The following KIAA1217 variants were observed in gnomAD, a reference collection of about 807,000 sequenced individuals.
KIAA1217 encodes the protein sickle tail protein homolog.
Under a neutral mutation model 163.9 loss-of-function variants are expected in KIAA1217, and 88 were observed. The ratio of observed to expected loss-of-function variants is 0.54; its 90% CI spans 0.45 to 0.64. The LOEUF (loss-of-function observed/expected upper bound fraction) is 0.64. KIAA1217 is among the 30% of genes least tolerant of loss of function. KIAA1217 has a pLI of 0.00. For missense variants in KIAA1217, 2,372 were observed against 2,475.0 expected, an observed-to-expected ratio of 0.96 and a Z score of 0.88; for synonymous variants, 903 against 923.1, an observed-to-expected ratio of 0.98 and a Z score of 0.39.
rs1366179297 is a variant in KIAA1217 at position 23,790,406 on chromosome 10, TACATATAC to T, written c.-321+95174_-321+95181del. ...ATATACATATGTATATATACATATA[TACATATAC>T]ATATATACATATATACATATACATA... On this transcript the variant is annotated intron_variant, in intron 1 of 18. Transcript: ENST00000376462. Among the ~76,000 whole-genome samples, 9 of 108,564 alleles carry T rather than the reference TACATATAC, an allele frequency of 8.3e-5. 1 individual carries two copies. Among genetic ancestry groups the T allele is most frequent in the East Asian group, 5.9e-4 (2 of 3,386 alleles). 71.2% of individuals were successfully genotyped at this position (108,564 alleles called of 152,430 possible). A position where few individuals can be genotyped will look rare whatever the true frequency, so the allele number is the denominator to read the frequency against.
intron 2 of KIAA1217, among the ~76,000 whole-genome samples, chr10:24,044,010 A>C (rs925511369): frequency 6.6e-6 from 1 of 152,174 alleles, no homozygotes; most frequent in Non-Finnish European, 1.5e-5. Context: ...GAGATAAATT[A>C]TAAAATAATG....
intron 1 of KIAA1217, among the ~76,000 whole-genome samples, chr10:23,961,471 G>T (rs1844818278): frequency 1.3e-5 from 2 of 152,180 alleles, no homozygotes; most frequent in South Asian, 4.1e-4. Flanking sequence ...TATAACTGTA[G>T]AAAAATTATT....
At chr10:23,873,533 A>T (rs1840556037) in intron 1 of KIAA1217, among the ~76,000 whole-genome samples, 1 of 152,050 alleles carries the variant, frequency 6.6e-6, no homozygotes, top group Non-Finnish European at 1.5e-5. Context: ...AGTTATAGTT[A>T]GGTAAACGGA....
At chr10:23,949,534 A>C (rs936803914) in intron 1 of KIAA1217, among the ~76,000 whole-genome samples, 17 of 152,164 alleles carry the variant, frequency 1.1e-4, no homozygotes, top group Non-Finnish European at 2.1e-4. Context: ...ACCCAGAAGA[A>C]ATTGCAGCCA....
chr10:24,073,640 T>C (rs1371942091), intron 2 of KIAA1217, among the ~76,000 whole-genome samples: 1 of 152,146 alleles, frequency 6.6e-6, no homozygotes, highest in African/African-American at 2.4e-5. Context: ...CAACTTATGA[T>C]ACAGGAATTG....
At chr10:23,706,764 C>T (rs537503381) in intron 1 of KIAA1217, among the ~76,000 whole-genome samples, 1 of 152,172 alleles carries the variant, frequency 6.6e-6, no homozygotes, top group African/African-American at 2.4e-5. Context: ...TGACTTTCTC[C>T]TTCTATTTTT....
chr10:24,106,570 G>T (rs1315038463), intron 2 of KIAA1217, among the ~76,000 whole-genome samples: 12 of 150,134 alleles, frequency 8.0e-5, no homozygotes, highest in Admixed American at 7.4e-4. Flanking sequence ...TTACATGACA[G>T]AAAAAAAAAC....
intron 3 of KIAA1217, among the ~76,000 whole-genome samples, chr10:24,412,597 C>T (rs2057889752): frequency 1.3e-5 from 2 of 152,200 alleles, no homozygotes; most frequent in Non-Finnish European, 2.9e-5. Context: ...CTCTTGGCTT[C>T]CTGGACATCT....
At chr10:24,229,931 G>A (rs556097835) in intron 2 of KIAA1217, among the ~76,000 whole-genome samples, 13 of 151,906 alleles carry the variant, frequency 8.6e-5, no homozygotes, top group South Asian at 6.2e-4. Context: ...ACAAATCACC[G>A]GTGAAGAACT....
intron 9 of KIAA1217, among the ~76,000 whole-genome samples, chr10:24,501,964 TG>T (rs1422618744): frequency 6.6e-6 from 1 of 151,956 alleles, no homozygotes; most frequent in African/African-American, 2.4e-5. Flanking sequence ...TTAGCCAGGA[TG>T]GTCTCGATCT....
intron 2 of KIAA1217, among the ~76,000 whole-genome samples, chr10:24,027,103 G>T (rs1345490243): frequency 1.3e-5 from 2 of 151,828 alleles, no homozygotes; most frequent in Non-Finnish European, 2.9e-5. Flanking sequence ...TAATTCTGTT[G>T]TTATCAGAGA....
intron 11 of KIAA1217, among the ~76,000 whole-genome samples, chr10:24,520,644 AAAAAAAAATATATAT>A (rs1398845411): frequency 1.1e-5 from 1 of 89,956 alleles, no homozygotes; most frequent in African/African-American, 5.6e-5. Flanking sequence ...AAAAAAAAAA[AAAAAAAAATATATAT>A]ATATATATAT....
chr10:24,223,296 C>T (rs1437287113), intron 2 of KIAA1217, among the ~76,000 whole-genome samples: 1 of 152,200 alleles, frequency 6.6e-6, no homozygotes. Flanking sequence ...CAAACCCCAA[C>T]CAGCATTGTA....
At chr10:24,246,346 G>T (rs1440893852) in intron 2 of KIAA1217, among the ~76,000 whole-genome samples, 2 of 152,158 alleles carry the variant, frequency 1.3e-5, no homozygotes, top group Admixed American at 1.3e-4. Context: ...TTGTGAACAG[G>T]ACTGCAGTGA....
chr10:23,853,699 A>T (rs1839485620), intron 1 of KIAA1217, among the ~76,000 whole-genome samples: 1 of 152,102 alleles, frequency 6.6e-6, no homozygotes, highest in South Asian at 2.1e-4. Flanking sequence ...AGAGCCTGTT[A>T]TTGGTCTATT....
At chr10:24,056,910 G>T (rs1197236641) in intron 2 of KIAA1217, among the ~76,000 whole-genome samples, 2 of 152,044 alleles carry the variant, frequency 1.3e-5, no homozygotes, top group African/African-American at 4.8e-5. Context: ...ATAATTAAAG[G>T]TTGTATTTAA....
rs61566996 is a variant in KIAA1217, at chr10:24,253,820, C to T, written c.354+33911C>T. On this transcript the variant is annotated intron_variant, in intron 2 of 20. Coordinates refer to ENST00000376454, the MANE Select transcript of KIAA1217 (RefSeq NM_019590.5). ...GTCCCAGCTGCTCGGGAGGTTGAAG[C>T]GGGAGGATCACCTGAGCCCAGGAGG... Among the ~76,000 whole-genome samples, 964 of 151,880 alleles carry T rather than the reference C, an allele frequency of 6.3e-3. 12 individuals carry two copies. The highest frequency in any genetic ancestry group is 0.022 in the African/African-American group (912 of 41,462).
Position 24,544,218 on chromosome 10 carries a change from T to G in KIAA1217, c.4948T>G (p.Ser1650Ala). 3 of 1,613,954 alleles carry G rather than the reference T, an allele frequency of 1.9e-6. No homozygotes were observed. The highest frequency in any genetic ancestry group is 2.5e-6 in the Non-Finnish European group (3 of 1,179,992). ...RQEQPSIEST[S>A]PISRTDEIRK... ...AGAGCAGCCCAGCATCGAGAGTACA[T>G]CTCCGATTTCAAGAACTGATGAAAT... Residue 1650 changes from serine (S) to alanine (A), a missense_variant, in exon 19 of 21, where the codon TCT (serine) becomes GCT (alanine). Coordinates refer to ENST00000376454, the MANE Select transcript of KIAA1217 (RefSeq NM_019590.5).
chr10:24,397,995 C>G (rs563044774), intron 3 of KIAA1217, among the ~76,000 whole-genome samples: 8 of 152,246 alleles, frequency 5.3e-5, no homozygotes, highest in Non-Finnish European at 8.8e-5. Context: ...AAATACCTAC[C>G]TCACAGAGTA....
Sources: gnomAD v4.1 joint callset for allele counts (sites outside exome capture counted in the v4.1 genomes callset) on GRCh38, gnomAD v4.1.1 for gene constraint, MANE v1.5 for transcripts, NCBI Gene and HGNC (gene_info 2026-07-23, HGNC 2026-07-21) for gene names.